CPQ: variants seen among roughly 807,000 people sequenced by gnomAD.
CPQ encodes the protein Ser-Met dipeptidase.
In CPQ, 37 loss-of-function variants were observed where a neutral mutation model predicts 45.7. That is an observed-to-expected ratio of 0.81 (90% CI 0.62 to 1.07). The LOEUF (loss-of-function observed/expected upper bound fraction) is 1.07, where lower values mean the gene tolerates loss of function less well. Among genes scored for constraint, CPQ ranks in the 50% least tolerant of loss-of-function variants. The probability of loss-of-function intolerance (pLI) is 0.00; values close to 1 mark genes in which losing one functional copy is unlikely to be tolerated. For missense variants in CPQ, 537 were observed against 572.9 expected, an observed-to-expected ratio of 0.94 and a Z score of 0.64; for synonymous variants, 186 against 205.8, an observed-to-expected ratio of 0.90 and a Z score of 0.82.
chr8:96,815,516 AAGAAAGAAAGAAAG>A (rs1442007567), intron 2 of CPQ, among the ~76,000 whole-genome samples: 14 of 152,038 alleles, frequency 9.2e-5, no homozygotes, highest in Non-Finnish European at 4.4e-5. Context: ...GGAGGAAAAA[AAGAAAGAAAGAAAG>A]AGAAAGAAAG....
chr8:96,854,523 T>C (rs1811815475), intron 3 of CPQ, among the ~76,000 whole-genome samples: 1 of 30,612 alleles, frequency 3.3e-5, no homozygotes, highest in Non-Finnish European at 5.2e-5. Flanking sequence ...AGAGCGAGAC[T>C]CCGTCTCAAA....
In CPQ at chr8:96,787,358, G is replaced by A. The variant is rs887056878; in HGVS notation, c.433+2028G>A. Among the ~76,000 whole-genome samples the A allele has an allele frequency of 2.0e-5, 3 of 151,848 alleles. No individual in the cohort carries two copies. The South Asian group carries it at 6.2e-4, about 32-fold the overall frequency. On this transcript the variant is annotated intron_variant, in intron 2 of 7. Transcript: ENST00000220763. The stretch of plus-strand genomic sequence containing the variant: ...TTTAATTCGGTGCATTACATTAATT[G>A]ATTTTCAAATGTTAAACAAACCTTG...
intron 7 of CPQ, among the ~76,000 whole-genome samples, chr8:97,138,615 G>C (rs182152279): frequency 6.6e-6 from 1 of 152,142 alleles, no homozygotes; most frequent in African/African-American, 2.4e-5. Flanking sequence ...GGCAAAATAA[G>C]GGAATTCCTC....
intron 5 of CPQ, among the ~76,000 whole-genome samples, chr8:97,010,812 A>G (rs1159859755): frequency 1.3e-5 from 2 of 152,186 alleles, no homozygotes; most frequent in African/African-American, 4.8e-5. Context: ...TAAAGGCCCT[A>G]AAACATCATT....
At chr8:96,797,418 T>A (rs1810946435) in intron 2 of CPQ, among the ~76,000 whole-genome samples, 1 of 152,154 alleles carries the variant, frequency 6.6e-6, no homozygotes, top group Non-Finnish European at 1.5e-5. Flanking sequence ...TTTGCATAAA[T>A]AAACAAGAAC....
At chr8:96,691,588 C>G (rs1182952300) in intron 1 of CPQ, among the ~76,000 whole-genome samples, 1 of 152,092 alleles carries the variant, frequency 6.6e-6, no homozygotes, top group Admixed American at 6.6e-5. Flanking sequence ...TATTGACTAT[C>G]TTTTCCTTAA....
rs1810630684 is a variant in CPQ at position 97,066,059 on chromosome 8, C to T, written c.1104C>T (p.Phe368=). Residue 368 remains phenylalanine (F), a synonymous_variant, in exon 7 of 8, where the codon TTC becomes TTT. Transcript: ENST00000220763. ...TGATGGAGTCTGACGCAGGAACCTT[C>T]TTACCCACTGGGCTGCAATTCACTG... The part of the protein sequence containing the change: ...SLVMESDAGT[F]LPTGLQFTGS... The T allele has an allele frequency of 1.2e-6, 2 of 1,611,644 alleles. No homozygotes were observed. The highest frequency in any genetic ancestry group is 1.3e-5 in the African/African-American group (1 of 74,810).
intron 1 of CPQ, among the ~76,000 whole-genome samples, chr8:96,749,996 A>G (rs1810237563): frequency 6.6e-6 from 1 of 152,142 alleles, no homozygotes; most frequent in African/African-American, 2.4e-5. Flanking sequence ...AATATCACAC[A>G]GGCATTCAAA....
chr8:96,775,708 T>C (rs1810596269), intron 1 of CPQ, among the ~76,000 whole-genome samples: 1 of 152,214 alleles, frequency 6.6e-6, no homozygotes, highest in Non-Finnish European at 1.5e-5. Context: ...TTTTTCACAT[T>C]TGGAAAGCTA....
chr8:96,746,575 G>A (rs145155571), intron 1 of CPQ, among the ~76,000 whole-genome samples: 7 of 152,162 alleles, frequency 4.6e-5, no homozygotes, highest in South Asian at 2.1e-4. Context: ...TAACCATTTC[G>A]CCTTCTTTTA....
At chr8:96,842,885 G>T (rs1811631186) in intron 3 of CPQ, among the ~76,000 whole-genome samples, 1 of 151,910 alleles carries the variant, frequency 6.6e-6, no homozygotes. Context: ...AGTTTTGAGG[G>T]TTTTCTTTTT....
intron 4 of CPQ, among the ~76,000 whole-genome samples, chr8:96,910,464 T>C (rs1265651277): frequency 6.6e-6 from 1 of 152,214 alleles, no homozygotes; most frequent in Admixed American, 6.5e-5. Context: ...AAATGTATAT[T>C]CCCATTTAAC....
intron 7 of CPQ, among the ~76,000 whole-genome samples, chr8:97,134,129 T>C (rs529597838): frequency 6.6e-6 from 1 of 152,308 alleles, no homozygotes; most frequent in Admixed American, 6.5e-5. Context: ...TCAATCTTTA[T>C]TTCTGCTTTT....
chr8:97,080,236 T>A (rs1044100317), intron 7 of CPQ, among the ~76,000 whole-genome samples: 1 of 152,218 alleles, frequency 6.6e-6, no homozygotes, highest in African/African-American at 2.4e-5. Context: ...GCATTGCGAT[T>A]GGCAGTGGTT....
chr8:97,127,345 A>G (rs1245118198), intron 7 of CPQ, among the ~76,000 whole-genome samples: 1 of 152,206 alleles, frequency 6.6e-6, no homozygotes, highest in Non-Finnish European at 1.5e-5. Context: ...TTTCACAAAC[A>G]AGATACACCA....
At chr8:96,790,874 C>T (rs1810837409) in intron 2 of CPQ, among the ~76,000 whole-genome samples, 1 of 152,060 alleles carries the variant, frequency 6.6e-6, no homozygotes, top group Non-Finnish European at 1.5e-5. Flanking sequence ...CTGAGTTACT[C>T]ATGCTGCCAT....
Position 97,067,152 on chromosome 8 carries a change from C to A in CPQ, c.1255+942C>A, listed in dbSNP as rs558155206. Among the ~76,000 whole-genome samples the A allele has an allele frequency of 6.6e-5, 10 of 152,042 alleles. No homozygotes were observed. The South Asian group carries it at 1.9e-3, about 28-fold the overall frequency. ...ATGTTGCCCAGGCTGGTCTCCAACT[C>A]CTGGGCTCAAGTGATCTGCCTGCCT... is the stretch of plus-strand genomic sequence containing the variant. On this transcript the variant is annotated intron_variant, in intron 7 of 7. Coordinates refer to ENST00000220763, the MANE Select transcript of CPQ (RefSeq NM_016134.4).
intron 3 of CPQ, among the ~76,000 whole-genome samples, chr8:96,843,485 C>T (rs1421724275): frequency 2.6e-5 from 4 of 152,140 alleles, no homozygotes; most frequent in Non-Finnish European, 1.5e-5. Flanking sequence ...TTGAAGCTGT[C>T]TGGTTGGGAG....
intron 2 of CPQ, among the ~76,000 whole-genome samples, chr8:96,792,690 T>A (rs1810865671): frequency 6.6e-6 from 1 of 152,176 alleles, no homozygotes; most frequent in Admixed American, 6.5e-5. Flanking sequence ...CTCATTTAGT[T>A]TACTCATTTA....
Sources: allele counts gnomAD v4.1 joint callset (sites outside exome capture counted in the v4.1 genomes callset), GRCh38; gene constraint gnomAD v4.1.1; transcripts MANE v1.5; gene names NCBI Gene and HGNC (gene_info 2026-07-23, HGNC 2026-07-21).